SOX6: variants seen among roughly 807,000 people sequenced by gnomAD.
SOX6 encodes the protein SRY-box transcription factor 6.
In SOX6, 11 loss-of-function variants were observed where a neutral mutation model predicts 97.8. The observed-to-expected ratio is 0.11, with a 90% CI of 0.07 to 0.19. The LOEUF (loss-of-function observed/expected upper bound fraction) is 0.19, where lower values mean the gene tolerates loss of function less well. Ranked by LOEUF, SOX6 falls within the 10% of genes least tolerant of loss-of-function variation. The pLI, the probability that SOX6 is intolerant of heterozygous loss-of-function variation, is 1.00. For missense variants in SOX6, 810 were observed against 1,039.5 expected, an observed-to-expected ratio of 0.78 and a Z score of 3.04; for synonymous variants, 360 against 371.4, an observed-to-expected ratio of 0.97 and a Z score of 0.35.
At chr11:16,249,184 T>C (rs766294853) in intron 3 of SOX6, among the ~76,000 whole-genome samples, 3 of 151,896 alleles carry the variant, frequency 2.0e-5, no homozygotes, top group Non-Finnish European at 4.4e-5. Context: ...CCCCAGAAAA[T>C]GGGTTTTTCT....
chr11:16,128,742 T>C (rs1447617627), intron 6 of SOX6, among the ~76,000 whole-genome samples: 1 of 152,162 alleles, frequency 6.6e-6, no homozygotes, highest in African/African-American at 2.4e-5. Context: ...ACAGAGGAAA[T>C]ACTTGAGGCA....
rs181153087 is a variant in SOX6, at chr11:15,969,229, A to G, written c.*3580T>C. ...ATGAAATAGGGAGCACCGCAAAAACAAAGTTGCTTAACATTCTTGAATCTA... is the reference window on the plus strand; with the variant it reads ...ATGAAATAGGGAGCACCGCAAAAACGAAGTTGCTTAACATTCTTGAATCTA... On this transcript the variant is annotated 3_prime_UTR_variant, in exon 16 of 16. Coordinates refer to ENST00000683767, the MANE Select transcript of SOX6 (RefSeq NM_001367873.1). 1.3e-5 allele frequency: 2 copies of G among 152,266 alleles called. No individual in the cohort carries two copies. The highest frequency in any genetic ancestry group is 1.9e-4 in the East Asian group (1 of 5,180). 9.4% of individuals were successfully genotyped at this position (152,266 alleles called of 1,614,324 possible). A position where few individuals can be genotyped will look rare whatever the true frequency, so the allele number is the denominator to read the frequency against.
At chr11:16,489,022 A>C (rs1860474744) in intron 4 of SOX6, among the ~76,000 whole-genome samples, 1 of 152,142 alleles carries the variant, frequency 6.6e-6, no homozygotes, top group Non-Finnish European at 1.5e-5. Flanking sequence ...TAAAGCCAAA[A>C]AGGGGGGATA....
intron 6 of SOX6, among the ~76,000 whole-genome samples, chr11:16,147,625 C>G (rs967329362): frequency 6.6e-6 from 1 of 152,136 alleles, no homozygotes; most frequent in African/African-American, 2.4e-5. Context: ...TATGTCACTT[C>G]CTTCCCCATG....
At chr11:16,066,252 G>A (rs1204399969) in intron 9 of SOX6, among the ~76,000 whole-genome samples, 1 of 151,896 alleles carries the variant, frequency 6.6e-6, no homozygotes, top group Admixed American at 6.6e-5. Flanking sequence ...TCCAAAAGAC[G>A]GTCAATAACA....
chr11:16,293,822 G>C (rs2134262472), intron 3 of SOX6, among the ~76,000 whole-genome samples: 2 of 152,120 alleles, frequency 1.3e-5, no homozygotes, highest in Admixed American at 1.3e-4. Context: ...TCCAAGATTA[G>C]TACTTGGGGG....
intron 4 of SOX6, among the ~76,000 whole-genome samples, chr11:16,497,288 A>G (rs1023619948): frequency 4.6e-5 from 7 of 152,170 alleles, no homozygotes; most frequent in Non-Finnish European, 8.8e-5. Flanking sequence ...AACACACAGA[A>G]AGGACATCCA....
At chr11:16,221,037 T>C (rs963315536) in intron 4 of SOX6, among the ~76,000 whole-genome samples, 1 of 152,030 alleles carries the variant, frequency 6.6e-6, no homozygotes, top group African/African-American at 2.4e-5. Flanking sequence ...TCAAGGTAAT[T>C]ATGTGCTAAT....
chr11:16,541,834 G>A (rs10832639), intron 4 of SOX6, among the ~76,000 whole-genome samples: 37,469 of 152,052 alleles, frequency 0.25, 5,112 homozygotes, highest in East Asian at 0.48. Context: ...GAGAGGATGT[G>A]GAAAAATAGG....
intron 1 of SOX6, among the ~76,000 whole-genome samples, chr11:16,454,504 T>C (rs1452458435): frequency 6.6e-6 from 1 of 152,078 alleles, no homozygotes; most frequent in African/African-American, 2.4e-5. Flanking sequence ...TGATGACTCT[T>C]GCAAGCTCTA....
At chr11:16,341,697 T>C (rs1244140060) in intron 1 of SOX6, among the ~76,000 whole-genome samples, 3 of 152,002 alleles carry the variant, frequency 2.0e-5, no homozygotes, top group Admixed American at 6.6e-5. Context: ...CTCCTATGGT[T>C]TATGTAGGAG....
intron 4 of SOX6, among the ~76,000 whole-genome samples, chr11:16,571,026 G>A (rs1847932790): frequency 6.6e-6 from 1 of 151,856 alleles, no homozygotes; most frequent in South Asian, 2.1e-4. Flanking sequence ...CATTTTTAAA[G>A]GAAAAATATT....
At chr11:16,195,056 C>T (rs1402453932) in intron 4 of SOX6, among the ~76,000 whole-genome samples, 1 of 152,192 alleles carries the variant, frequency 6.6e-6, no homozygotes, top group Non-Finnish European at 1.5e-5. Context: ...TCATTTGTGT[C>T]AATATCACCA....
chr11:16,379,606 T>C (rs1857748981), intron 1 of SOX6, among the ~76,000 whole-genome samples: 1 of 152,156 alleles, frequency 6.6e-6, no homozygotes, highest in African/African-American at 2.4e-5. Context: ...TAATAATGTG[T>C]CAGAGTGGAT....
chr11:15,986,162 C>T lies in SOX6; in HGVS notation c.2183+42G>A, dbSNP rs774548625. On this transcript the variant is annotated intron_variant, in intron 15 of 15. Coordinates refer to ENST00000683767, the MANE Select transcript of SOX6 (RefSeq NM_001367873.1). ...CAGTAGCCATCCTATAGTTACTTAC[C>T]GCAAAAGTAAAGCCCAGGTGGCTAA... The T allele has an allele frequency of 1.9e-5, 30 of 1,571,324 alleles. No individual in the cohort carries two copies. In the East Asian group the frequency reaches 3.1e-4, roughly 16 times the overall value.
At chr11:16,299,457 C>A (rs1178537346) in intron 3 of SOX6, among the ~76,000 whole-genome samples, 3 of 152,064 alleles carry the variant, frequency 2.0e-5, no homozygotes, top group Non-Finnish European at 2.9e-5. Context: ...GGGTGGGAAT[C>A]TTTATTGGGA....
chr11:16,249,677 C>A (rs945821855), intron 3 of SOX6, among the ~76,000 whole-genome samples: 2 of 152,078 alleles, frequency 1.3e-5, no homozygotes, highest in Non-Finnish European at 2.9e-5. Flanking sequence ...CCAAATTATA[C>A]CAAAAATAAA....
intron 2 of SOX6, among the ~76,000 whole-genome samples, chr11:16,720,654 T>C (rs1277169978): frequency 6.8e-6 from 1 of 147,688 alleles, no homozygotes; most frequent in Non-Finnish European, 1.5e-5. Flanking sequence ...GTAACTAACC[T>C]GCACATTGTG....
At chr11:16,655,573 T>C (rs1370790576) in intron 3 of SOX6, among the ~76,000 whole-genome samples, 1 of 152,220 alleles carries the variant, frequency 6.6e-6, no homozygotes, top group Non-Finnish European at 1.5e-5. Context: ...CAAAGTATAC[T>C]TTTGATATGG....
Sources: gnomAD v4.1 joint callset for allele counts (sites outside exome capture counted in the v4.1 genomes callset) on GRCh38, gnomAD v4.1.1 for gene constraint, MANE v1.5 for transcripts, NCBI Gene and HGNC (gene_info 2026-07-23, HGNC 2026-07-21) for gene names.